GPC5: variants seen among roughly 807,000 people sequenced by gnomAD.
GPC5 encodes glypican-5.
In GPC5, 47 loss-of-function variants were observed where a neutral mutation model predicts 53.9. The ratio of observed to expected loss-of-function variants is 0.87; its 90% CI spans 0.69 to 1.11. The LOEUF is 1.11. Among genes scored for constraint, GPC5 ranks in the 50% most tolerant of loss-of-function variants. The pLI, the probability that GPC5 is intolerant of heterozygous loss-of-function variation, is 0.00. For missense variants in GPC5, 748 were observed against 713.1 expected, an observed-to-expected ratio of 1.05 and a Z score of -0.56; for synonymous variants, 286 against 263.3, an observed-to-expected ratio of 1.09 and a Z score of -0.84.
intron 7 of GPC5, among the ~76,000 whole-genome samples, chr13:92,755,645 G>T (rs1289812134): frequency 7.1e-5 from 10 of 140,864 alleles, no homozygotes; most frequent in East Asian, 5.0e-4. Context: ...TGATAAAGGG[G>T]ATATCACCAC....
At chr13:91,826,895 A>C (rs1443135614) in intron 5 of GPC5, among the ~76,000 whole-genome samples, 1 of 152,076 alleles carries the variant, frequency 6.6e-6, no homozygotes, top group African/African-American at 2.4e-5. Context: ...ATAAATACAA[A>C]ATTTAAGAGT....
At chr13:92,785,015 G>A (rs1295943893) in intron 7 of GPC5, among the ~76,000 whole-genome samples, 5 of 152,076 alleles carry the variant, frequency 3.3e-5, no homozygotes, top group Non-Finnish European at 5.9e-5. Context: ...GGTGGCTCAC[G>A]CCTGTAATCC....
At chr13:92,766,332 C>A (rs1266564679) in intron 7 of GPC5, among the ~76,000 whole-genome samples, 2 of 143,150 alleles carry the variant, frequency 1.4e-5, no homozygotes, top group Admixed American at 6.9e-5. Flanking sequence ...TTCATAAAAA[C>A]CAAACAAAAA....
At chr13:92,637,889 A>C (rs1885462235) in intron 7 of GPC5, among the ~76,000 whole-genome samples, 1 of 152,210 alleles carries the variant, frequency 6.6e-6, no homozygotes, top group South Asian at 2.1e-4. Context: ...TCAAATGAGA[A>C]ACATGGAAGA....
intron 7 of GPC5, among the ~76,000 whole-genome samples, chr13:92,542,392 T>C (rs1881960051): frequency 6.6e-6 from 1 of 152,016 alleles, no homozygotes; most frequent in East Asian, 1.9e-4. Flanking sequence ...TCTCTGCTTT[T>C]ATGAGATCAA....
chr13:91,646,484 T>C (rs188420103), intron 2 of GPC5, among the ~76,000 whole-genome samples: 4,095 of 151,876 alleles, frequency 0.027, 187 homozygotes, highest in African/African-American at 0.093. Context: ...TAGATACCTA[T>C]CCAAAATTGT....
chr13:92,360,555 T>C (rs2139280573), intron 7 of GPC5, among the ~76,000 whole-genome samples: 1 of 150,602 alleles, frequency 6.6e-6, no homozygotes, highest in Non-Finnish European at 1.5e-5. Flanking sequence ...GAATTTCCCT[T>C]AAAAACTGGC....
chr13:92,358,527 G>T (rs1424368115), intron 7 of GPC5, among the ~76,000 whole-genome samples: 1 of 151,624 alleles, frequency 6.6e-6, no homozygotes, highest in Non-Finnish European at 1.5e-5. Context: ...GCACTACCCT[G>T]GTAAAAGTTC....
At chr13:92,203,339 G>C (rs2042308309) in intron 7 of GPC5, among the ~76,000 whole-genome samples, 2 of 148,510 alleles carry the variant, frequency 1.3e-5, no homozygotes, top group Middle Eastern at 3.4e-3. Flanking sequence ...CCTTTGTAGG[G>C]ACATGGATGA....
intron 5 of GPC5, among the ~76,000 whole-genome samples, chr13:91,829,846 G>C (rs980292883): frequency 6.6e-6 from 1 of 152,084 alleles, no homozygotes; most frequent in African/African-American, 2.4e-5. Context: ...TGTACGAATA[G>C]GGTGTGGGTC....
chr13:92,135,539 G>C (rs1240014898), intron 6 of GPC5, among the ~76,000 whole-genome samples: 3 of 152,128 alleles, frequency 2.0e-5, no homozygotes, highest in Admixed American at 1.3e-4. Context: ...TTGAACCGGA[G>C]GTAAGGATCA....
chr13:91,795,653 C>T (rs1270001591), intron 5 of GPC5, among the ~76,000 whole-genome samples: 1 of 152,132 alleles, frequency 6.6e-6, no homozygotes, highest in Non-Finnish European at 1.5e-5. Context: ...CCTTTATTTT[C>T]TGGCTTGCCT....
chr13:91,922,045 G>T (rs1373017028), intron 6 of GPC5, among the ~76,000 whole-genome samples: 1 of 152,068 alleles, frequency 6.6e-6, no homozygotes, highest in Non-Finnish European at 1.5e-5. Context: ...GTAGGGAGTT[G>T]GTGGTAAAAC....
At chr13:92,834,410 TCTA>T (rs1217299622) in intron 7 of GPC5, among the ~76,000 whole-genome samples, 3 of 152,132 alleles carry the variant, frequency 2.0e-5, no homozygotes, top group Non-Finnish European at 4.4e-5. Context: ...AAAAATTGCT[TCTA>T]CTAACTCTGA....
At chr13:91,879,861 G>T (rs2039245355) in intron 5 of GPC5, among the ~76,000 whole-genome samples, 1 of 152,082 alleles carries the variant, frequency 6.6e-6, no homozygotes, top group Admixed American at 6.6e-5. Flanking sequence ...GATTTCTCAG[G>T]AAGTGTAGAA....
At chr13:92,585,963 G>C (rs61975862) in intron 7 of GPC5, among the ~76,000 whole-genome samples, 32,567 of 152,088 alleles carry the variant, frequency 0.21, 3,598 homozygotes, top group Non-Finnish European at 0.22. Flanking sequence ...TCTTTCTTTT[G>C]TAAATTGCCC....
chr13:92,575,244 G>T (rs542957136), intron 7 of GPC5, among the ~76,000 whole-genome samples: 1 of 152,222 alleles, frequency 6.6e-6, no homozygotes, highest in South Asian at 2.1e-4. Context: ...GGTCTTTGCA[G>T]ATGTAATTAA....
intron 2 of GPC5, among the ~76,000 whole-genome samples, chr13:91,558,208 C>T (rs2031064925): frequency 6.6e-6 from 1 of 152,022 alleles, no homozygotes; most frequent in Non-Finnish European, 1.5e-5. Flanking sequence ...TAAGTTGTTA[C>T]TCTTGGTAAG....
At chr13:92,368,894 G>C (rs971971041) in intron 7 of GPC5, among the ~76,000 whole-genome samples, 2 of 152,146 alleles carry the variant, frequency 1.3e-5, no homozygotes, top group Admixed American at 6.5e-5. Context: ...GAGAAGGGTA[G>C]TTATTGGCTT....
Sources: gnomAD v4.1 joint callset for allele counts (sites outside exome capture counted in the v4.1 genomes callset) on GRCh38, gnomAD v4.1.1 for gene constraint, MANE v1.5 for transcripts, NCBI Gene and HGNC (gene_info 2026-07-23, HGNC 2026-07-21) for gene names.